Variants in PRORP observed in about 807,000 individuals in gnomAD.
PRORP encodes mitochondrial ribonuclease P catalytic subunit.
In PRORP, 51 loss-of-function variants were observed where a neutral mutation model predicts 59.4. That is an observed-to-expected ratio of 0.86 (90% CI 0.69 to 1.08). The LOEUF is 1.08. Ranked by LOEUF, PRORP falls within the 50% of genes least tolerant of loss-of-function variation. PRORP has a pLI of 0.00. For synonymous variants in PRORP, 231 were observed against 245.6 expected (o/e 0.94, Z 0.55); for missense variants, 646 against 690.3 (o/e 0.94, Z 0.72).
chr14:35,220,279 A>C (rs1165928651), intron 5 of PRORP, among the ~76,000 whole-genome samples: 1 of 152,214 alleles, frequency 6.6e-6, no homozygotes. Context: ...TCGTCATTTT[A>C]TGTCAATATA....
chr14:35,273,442 T>G lies in PRORP; in HGVS notation c.1628T>G (p.Leu543Arg). 1 of 1,607,954 alleles carries G rather than the reference T, an allele frequency of 6.2e-7. No homozygotes were observed. Among genetic ancestry groups the G allele is most frequent in the Non-Finnish European group, 8.5e-7 (1 of 1,177,820 alleles). ...PGSKLTFQRI[L>R]SYDTVVQTTG... ...CTCTTTTTAATTCAACAGCGTATTC[T>G]CAGCTATGACACAGTGGTGCAAACA... The change falls in exon 8 of 8, where the codon CTC (leucine) becomes CGC (arginine). Residue 543 changes from leucine (L) to arginine (R), a missense_variant. Transcript: ENST00000534898.
chr14:35,153,196 C>T (rs760976303), intron 4 of PRORP, among the ~76,000 whole-genome samples: 3 of 152,210 alleles, frequency 2.0e-5, no homozygotes, highest in South Asian at 2.1e-4. Context: ...GAGACCAGCC[C>T]GGCCAACACA....
chr14:35,148,476 G>A (rs140901571), intron 4 of PRORP, among the ~76,000 whole-genome samples: 1 of 152,280 alleles, frequency 6.6e-6, no homozygotes, highest in African/African-American at 2.4e-5. Flanking sequence ...AAACCATGCT[G>A]TAGACAGATG....
At chr14:35,204,736 A>C (rs2049248015) in intron 5 of PRORP, among the ~76,000 whole-genome samples, 1 of 152,196 alleles carries the variant, frequency 6.6e-6, no homozygotes, top group Non-Finnish European at 1.5e-5. Context: ...TGCAAGTAAC[A>C]TTTCTTAGAT....
intron 4 of PRORP, among the ~76,000 whole-genome samples, chr14:35,139,732 C>G (rs1366762233): frequency 2.1e-5 from 3 of 145,946 alleles, no homozygotes; most frequent in African/African-American, 7.3e-5. Flanking sequence ...TTTCCTAGGG[C>G]TGCCCTAACA....
At chr14:35,186,147 T>TA (rs2139061899) in intron 5 of PRORP, among the ~76,000 whole-genome samples, 1 of 95,038 alleles carries the variant, frequency 1.1e-5, no homozygotes, top group Admixed American at 1.5e-4. Context: ...CAAGTCCAGC[T>TA]AATTTTTTTT....
At chr14:35,205,222 C>T (rs1290125146) in intron 5 of PRORP, among the ~76,000 whole-genome samples, 1 of 152,194 alleles carries the variant, frequency 6.6e-6, no homozygotes, top group Non-Finnish European at 1.5e-5. Flanking sequence ...CGCTCTGTTG[C>T]ACAGGCTGGA....
chr14:35,136,372 G>A (rs368023807), intron 4 of PRORP, among the ~76,000 whole-genome samples: 1 of 149,438 alleles, frequency 6.7e-6, no homozygotes, highest in Non-Finnish European at 1.5e-5. Flanking sequence ...GGGTTTTTTT[G>A]TTTTTTTGGT....
chr14:35,121,844 C>T (rs1357769015), upstream of PRORP: 3 of 1,584,914 alleles, frequency 1.9e-6, no homozygotes, highest in Non-Finnish European at 2.6e-6. Context: ...CACCTCCCCC[C>T]TACCTCTAGG....
At chr14:35,260,033 A>G (rs1465340513) in intron 5 of PRORP, among the ~76,000 whole-genome samples, 4 of 105,382 alleles carry the variant, frequency 3.8e-5, no homozygotes, top group East Asian at 2.8e-4. Context: ...GCTTTTCCAG[A>G]TAGGGTTTCA....
chr14:35,230,009 CAAG>C (rs2050032385), intron 5 of PRORP, among the ~76,000 whole-genome samples: 1 of 150,222 alleles, frequency 6.7e-6, no homozygotes. Flanking sequence ...TTTTTTTTCT[CAAG>C]AAGCTCGAGT....
chr14:35,180,526 CTGTGTGTGTG>C (rs3058430), intron 4 of PRORP, 134 bp from the exon 5 acceptor site: 4 of 537,384 alleles, frequency 7.4e-6, no homozygotes, highest in Admixed American at 3.3e-5. Context: ...TGTAGAGTAT[CTGTGTGTGTG>C]TGTGTGTGTG....
chr14:35,218,864 A>T (rs1248571141), intron 5 of PRORP, among the ~76,000 whole-genome samples: 1 of 152,048 alleles, frequency 6.6e-6, no homozygotes, highest in Non-Finnish European at 1.5e-5. Flanking sequence ...AGAGCCCCAG[A>T]TATTCTATGT....
Position 35,138,753 on chromosome 14 carries a change from A to G in PRORP, c.1167+11142A>G, listed in dbSNP as rs1395276811. On this transcript the variant is annotated intron_variant, in intron 4 of 7. Coordinates refer to ENST00000534898, the MANE Select transcript of PRORP (RefSeq NM_014672.4). Reference sequence around the variant, plus strand: ...TGGCTGCTGGTTAGAATACTTGGGAAGTGTTTAAAACTGCTACCTGGACCT... The same window carrying G: ...TGGCTGCTGGTTAGAATACTTGGGAGGTGTTTAAAACTGCTACCTGGACCT... Among the ~76,000 whole-genome samples, 3 of 144,634 alleles carry G rather than the reference A, an allele frequency of 2.1e-5. 1 individual carries two copies. The highest frequency in any genetic ancestry group is 2.3e-4 in the East Asian group (1 of 4,256). The allele number at this position is 144,634 out of a possible 152,430, so 94.9% of individuals were successfully genotyped here.
chr14:35,162,459 G>A (rs576851794), intron 4 of PRORP, among the ~76,000 whole-genome samples: 2 of 152,048 alleles, frequency 1.3e-5, no homozygotes, highest in East Asian at 3.8e-4. Flanking sequence ...GTGTGGTGGA[G>A]CATATTTTCA....
In PRORP at chr14:35,165,082, T is replaced by C. The variant is rs148660180; in HGVS notation, c.1168-15588T>C. On this transcript the variant is annotated intron_variant, in intron 4 of 7. Transcript: ENST00000534898. ...TATAGGAAGAAGGAAATAACTATTATAGTGCATGTGCCAAGAGGTTTAGGC... is the reference window on the plus strand; with the variant it reads ...TATAGGAAGAAGGAAATAACTATTACAGTGCATGTGCCAAGAGGTTTAGGC... Among the ~76,000 whole-genome samples the C allele has an allele frequency of 2.6e-3, 401 of 152,348 alleles. 2 individuals carry two copies. The highest frequency in any genetic ancestry group is 8.6e-3 in the African/African-American group (358 of 41,584).
At chr14:35,222,934 TTCTG>T (rs1319594404) in intron 5 of PRORP, among the ~76,000 whole-genome samples, 1 of 152,200 alleles carries the variant, frequency 6.6e-6, no homozygotes, top group East Asian at 1.9e-4. Flanking sequence ...AAGCCTTACC[TTCTG>T]TCTGTCTGGG....
At position 35,143,324 on chromosome 14, in the gene PRORP, G is replaced by A. The variant is rs1252630726; in HGVS notation, c.1167+15713G>A. 2.1e-5 allele frequency among the ~76,000 whole-genome samples: 3 copies of A among 143,908 alleles called. 1 individual carries two copies. Among genetic ancestry groups the A allele is most frequent in the Non-Finnish European group, 4.6e-5 (3 of 64,962 alleles). 94.4% of individuals were successfully genotyped at this position (143,908 alleles called of 152,430 possible). ...TTACAGGCATATGCCACCACACCCG[G>A]CTAATTTTTGTATTTTTAGTAGAGA... is the stretch of plus-strand genomic sequence containing the variant. On this transcript the variant is annotated intron_variant, in intron 4 of 7. Coordinates refer to ENST00000534898, the MANE Select transcript of PRORP (RefSeq NM_014672.4).
At chr14:35,187,314 C>A (rs2048765001) in intron 5 of PRORP, among the ~76,000 whole-genome samples, 2 of 152,116 alleles carry the variant, frequency 1.3e-5, no homozygotes, top group African/African-American at 4.8e-5. Flanking sequence ...TCCTCACGAA[C>A]ACTTGTTATT....
Sources: allele counts gnomAD v4.1 joint callset (sites outside exome capture counted in the v4.1 genomes callset), GRCh38; gene constraint gnomAD v4.1.1; transcripts MANE v1.5; gene names NCBI Gene and HGNC (gene_info 2026-07-23, HGNC 2026-07-21).